Variants in RPL38 observed in about 807,000 individuals in gnomAD.
RPL38 encodes ribosomal protein L38, also known as large ribosomal subunit protein eL38.
In RPL38, 2 loss-of-function variants were observed where a neutral mutation model predicts 12.8. The observed-to-expected ratio is 0.16, with a 90% CI of 0.06 to 0.49. The LOEUF (loss-of-function observed/expected upper bound fraction) is 0.49. Ranked by LOEUF, RPL38 falls within the 20% of genes least tolerant of loss-of-function variation. The pLI, the probability that RPL38 is intolerant of heterozygous loss-of-function variation, is 0.96. For synonymous variants in RPL38, 42 were observed against 30.1 expected (o/e 1.39, Z -1.29); for missense variants, 52 against 79.8 (o/e 0.65, Z 1.33).
chr17:74,206,708 C>CTTTTTTTTTTTTTTTTTT (rs35333460), intron 3 of RPL38, among the ~76,000 whole-genome samples: 27 of 101,586 alleles, frequency 2.7e-4, no homozygotes, highest in Non-Finnish European at 3.7e-4. Flanking sequence ...TTTTTTCTTT[C>CTTTTTTTTTTTTTTTTTT]TTTTTTTTTT....
At chr17:74,207,359 TTATTCGTC>T (rs2050124393) in intron 3 of RPL38, among the ~76,000 whole-genome samples, 2 of 152,222 alleles carry the variant, frequency 1.3e-5, no homozygotes, top group South Asian at 4.1e-4. Context: ...CACGGTTTGT[TTATTCGTC>T]TATTGATGGA....
intron 2 of RPL38, 80 bp from the exon 3 acceptor site, chr17:74,204,050 C>G (rs141455471): frequency 6.2e-7 from 1 of 1,611,080 alleles, no homozygotes; most frequent in South Asian, 1.1e-5. Flanking sequence ...CTCCTGAGGC[C>G]GGGAGAAGCT....
chr17:74,204,476 C>A, intron 3 of RPL38: 1 of 444,772 alleles, frequency 2.2e-6, no homozygotes, highest in Non-Finnish European at 4.1e-6. Flanking sequence ...AACGGAATCT[C>A]CACTCCGCGA....
chr17:74,204,287 C>T (rs1008916574), intron 3 of RPL38, 97 bp downstream of exon 3: 2 of 1,109,574 alleles, frequency 1.8e-6, no homozygotes, highest in East Asian at 2.4e-5. Context: ...GACGGTTAGG[C>T]CGTCTGGGTG....
chr17:74,210,631 T>G lies in RPL38; in HGVS notation c.*802T>G, dbSNP rs377301045. The G allele has an allele frequency of 2.0e-5, 3 of 152,374 alleles. No homozygotes were observed. The highest frequency in any genetic ancestry group is 3.9e-4 in the East Asian group (2 of 5,178). The allele number at this position is 152,374 out of a possible 1,614,324, so 9.4% of individuals were successfully genotyped here. Reference sequence around the variant, plus strand: ...GCAGCCCCTCTGGAAATGACTGGCATCATAAAATCTGTCTTCATACCCGAG... The same window carrying G: ...GCAGCCCCTCTGGAAATGACTGGCAGCATAAAATCTGTCTTCATACCCGAG... On this transcript the variant is annotated 3_prime_UTR_variant, in exon 5 of 5. Transcript: ENST00000311111.
Position 74,209,975 on chromosome 17 carries a change from T to G in RPL38, c.*146T>G. 20 of 516,122 alleles carry G rather than the reference T, an allele frequency of 3.9e-5. No homozygotes were observed. Among genetic ancestry groups the G allele is most frequent in the East Asian group, 1.0e-4 (3 of 29,028 alleles). The allele number at this position is 516,122 out of a possible 1,614,324, so 32.0% of individuals were successfully genotyped here. ...CGCGGGTTCTGTTGCTGCCTTCCTG[T>G]GTCTTTTTTTTTTTTTTTTTTTCTT... On this transcript the variant is annotated 3_prime_UTR_variant, in exon 5 of 5. Coordinates refer to ENST00000311111, the MANE Select transcript of RPL38 (RefSeq NM_000999.4).
At chr17:74,203,819 AGGGGAGTGCG>A in intron 1 of RPL38, 74 bp downstream of exon 1, 1 of 1,106,436 alleles carries the variant, frequency 9.0e-7, no homozygotes, top group Admixed American at 2.7e-5. Context: ...GGGGAGGAGA[AGGGGAGTGCG>A]ATGGGGCCGA....
In RPL38 at chr17:74,209,338, C is replaced by T. The variant is rs775976770; in HGVS notation, c.187+29C>T. 39 of 1,609,126 alleles carry T rather than the reference C, an allele frequency of 2.4e-5. No homozygotes were observed. In the East Asian group the frequency reaches 5.1e-4, roughly 21 times the overall value. ...AGTGAGCCTGAAGTCACTTCAGGGG[C>T]GGGTGGGGTTTGGAAGGTTGCTGTG... On this transcript the variant is annotated intron_variant, in intron 4 of 4. Coordinates refer to ENST00000311111, the MANE Select transcript of RPL38 (RefSeq NM_000999.4).
intron 1 of RPL38, 86 bp downstream of exon 1, chr17:74,203,831 T>C: frequency 8.0e-7 from 1 of 1,244,154 alleles, no homozygotes; most frequent in Middle Eastern, 2.8e-4. Flanking sequence ...GGGAGTGCGA[T>C]GGGGCCGATA....
chr17:74,208,646 A>G (rs2050136986), intron 3 of RPL38, among the ~76,000 whole-genome samples: 1 of 152,144 alleles, frequency 6.6e-6, no homozygotes, highest in South Asian at 2.1e-4. Flanking sequence ...CTTTTTAAAA[A>G]GATAATAGGC....
chr17:74,204,681 C>T (rs2050095177), intron 3 of RPL38: 1 of 153,452 alleles, frequency 6.5e-6, no homozygotes, highest in Non-Finnish European at 1.5e-5. Flanking sequence ...TCATACCTAT[C>T]TAATCCAGAA....
intron 3 of RPL38, chr17:74,204,458 A>C: frequency 2.1e-6 from 1 of 473,912 alleles, no homozygotes; most frequent in East Asian, 3.8e-5. Flanking sequence ...AATATAGTAA[A>C]TTGTCGGAAC....
chr17:74,209,340 G>T (rs753503765), intron 4 of RPL38, 31 bp downstream of exon 4: 2 of 1,609,228 alleles, frequency 1.2e-6, no homozygotes, highest in African/African-American at 2.7e-5. Flanking sequence ...TTCAGGGGCG[G>T]GTGGGGTTTG....
intron 3 of RPL38, among the ~76,000 whole-genome samples, chr17:74,207,406 T>G (rs935801060): frequency 2.6e-5 from 4 of 152,258 alleles, no homozygotes; most frequent in Non-Finnish European, 5.9e-5. Context: ...TTTTCGCTAG[T>G]GTGAATAATG....
In RPL38 at chr17:74,210,504, T is replaced by C. The variant is rs1457748758; in HGVS notation, c.*675T>C. The stretch of plus-strand genomic sequence containing the variant: ...TTTGCCTGTTTCCTCAGTTGGAAAA[T>C]AGCCATATTAACACCTCTTTCATTG... On this transcript the variant is annotated 3_prime_UTR_variant, in exon 5 of 5. Transcript: ENST00000311111. The C allele has an allele frequency of 6.6e-6, 1 of 152,262 alleles. No homozygotes were observed. Among genetic ancestry groups the C allele is most frequent in the African/African-American group, 2.4e-5 (1 of 41,432 alleles). The allele number at this position is 152,262 out of a possible 1,614,324, so 9.4% of individuals were successfully genotyped here.
At chr17:74,203,866 G>A in intron 1 of RPL38, 52 bp from the exon 2 acceptor site, 2 of 1,455,756 alleles carry the variant, frequency 1.4e-6, no homozygotes, top group Admixed American at 2.4e-5. Flanking sequence ...GGGAAAACGG[G>A]GTTCGCTGCC....
Position 74,209,963 on chromosome 17 carries a change from G to T in RPL38, c.*134G>T. Reference sequence around the variant, plus strand: ...ATGGGAACAGGACGCGGGTTCTGTTGCTGCCTTCCTGTGTCTTTTTTTTTT... The same window carrying T: ...ATGGGAACAGGACGCGGGTTCTGTTTCTGCCTTCCTGTGTCTTTTTTTTTT... On this transcript the variant is annotated 3_prime_UTR_variant, in exon 5 of 5. Transcript: ENST00000311111. 6.6e-6 allele frequency: 4 copies of T among 608,864 alleles called. No homozygotes were observed. The highest frequency in any genetic ancestry group is 1.2e-5 in the Non-Finnish European group (4 of 347,690). 37.7% of individuals were successfully genotyped at this position (608,864 alleles called of 1,614,324 possible).
rs1488214406 is a variant in RPL38 at position 74,209,210 on chromosome 17, G to A, written c.88G>A (p.Asp30Asn). Residue 30 changes from aspartate to asparagine, a missense_variant, in exon 4 of 5, where the codon GAC becomes AAC. By Grantham distance (23) the Asp-to-Asn change is conservative (BLOSUM62 1). Transcript: ENST00000311111. ...AKSVKIKKNKDNVKFKVRCSR... is the reference protein window; with the variant it reads ...AKSVKIKKNKNNVKFKVRCSR... ...AGCTGTCAAGATCAAGAAAAATAAGGACAACGTGAAGTTTAAAGTTCGATG... is the reference window on the plus strand; with the variant it reads ...AGCTGTCAAGATCAAGAAAAATAAGAACAACGTGAAGTTTAAAGTTCGATG... 1.2e-6 allele frequency: 2 copies of A among 1,613,720 alleles called. No individual in the cohort carries two copies. Among genetic ancestry groups the A allele is most frequent in the African/African-American group, 2.7e-5 (2 of 74,886 alleles).
Position 74,209,826 on chromosome 17 carries a change from A to G in RPL38, c.210A>G (p.Lys70=). Residue 70 remains lysine, a synonymous_variant, in exon 5 of 5, where the codon AAA becomes AAG. Transcript: ENST00000311111. ...TAGGTTTGGCAGTGAAGGAACTGAA[A>G]TGAACCAGACACACTGATTGGAACT... ...LPPGLAVKEL[K] 1 of 1,611,872 alleles carries G rather than the reference A, an allele frequency of 6.2e-7. No individual in the cohort carries two copies.
Sources: gnomAD v4.1 joint callset for allele counts (sites outside exome capture counted in the v4.1 genomes callset) on GRCh38, gnomAD v4.1.1 for gene constraint, MANE v1.5 for transcripts, NCBI Gene and HGNC (gene_info 2026-07-23, HGNC 2026-07-21) for gene names.